FASTKD1: variants seen among roughly 807,000 people sequenced by gnomAD.
FASTKD1 encodes FAST kinase domain-containing protein 1, mitochondrial.
FASTKD1 carries 94 observed loss-of-function variants against 90.9 expected under a neutral mutation model. The ratio of observed to expected loss-of-function variants is 1.03; its 90% CI spans 0.88 to 1.23. FASTKD1 has a LOEUF of 1.23. FASTKD1 is among the 50% of genes most tolerant of loss of function. The pLI, the probability that FASTKD1 is intolerant of heterozygous loss-of-function variation, is 0.00. For synonymous variants in FASTKD1, 319 were observed against 345.8 expected, an observed-to-expected ratio of 0.92 and a Z score of 0.86; for missense variants, 945 against 993.5, an observed-to-expected ratio of 0.95 and a Z score of 0.66.
chr2:169,531,089 G>A (rs758149214), intron 13 of FASTKD1: 21 of 706,466 alleles, frequency 3.0e-5, no homozygotes, highest in East Asian at 2.8e-4. Context: ...AGAGAGGTAT[G>A]GGAGCGCAAA....
chr2:169,530,523 G>T, intron 14 of FASTKD1, 64 bp downstream of exon 14: 1 of 842,434 alleles, frequency 1.2e-6, no homozygotes, highest in Admixed American at 2.6e-5. Context: ...ACATTAAAAG[G>T]AAGCACATGT....
chr2:169,564,381 T>C (rs559405617), intron 3 of FASTKD1, among the ~76,000 whole-genome samples: 1 of 152,180 alleles, frequency 6.6e-6, no homozygotes, highest in East Asian at 1.9e-4. Flanking sequence ...AACTTGAACA[T>C]CTAGGCTCAA....
intron 12 of FASTKD1, among the ~76,000 whole-genome samples, chr2:169,532,256 C>A (rs1484903584): frequency 6.6e-6 from 1 of 151,904 alleles, no homozygotes; most frequent in Admixed American, 6.6e-5. Context: ...CCAATCTCTA[C>A]AAAAAACTTA....
rs548510888 is a variant in FASTKD1, at chr2:169,564,329, T to C, written c.447-979A>G. ...GAAAATTTAAATTTATCAATTTTAT[T>C]ATGTTTTTAAGACACAGTGTCTCAC... is the stretch of plus-strand genomic sequence containing the variant. On this transcript the variant is annotated intron_variant, in intron 3 of 14. Transcript: ENST00000453153. Among the ~76,000 whole-genome samples the C allele has an allele frequency of 3.1e-3, 478 of 152,258 alleles. 2 individuals carry two copies. The highest frequency in any genetic ancestry group is 4.3e-3 in the Non-Finnish European group (291 of 68,014).
intron 5 of FASTKD1, among the ~76,000 whole-genome samples, chr2:169,559,033 G>A (rs905119705): frequency 6.0e-5 from 9 of 149,386 alleles, no homozygotes; most frequent in African/African-American, 2.2e-4. Context: ...GGAGTGTAAT[G>A]GCGCGATCTT....
At chr2:169,548,550 A>T (rs1016757015) in intron 7 of FASTKD1, among the ~76,000 whole-genome samples, 1 of 151,496 alleles carries the variant, frequency 6.6e-6, no homozygotes, top group Admixed American at 6.6e-5. Context: ...GGCCAACATA[A>T]TGAAACCCCA....
intron 5 of FASTKD1, among the ~76,000 whole-genome samples, chr2:169,559,631 T>C (rs901908517): frequency 8.5e-5 from 13 of 152,112 alleles, no homozygotes; most frequent in Non-Finnish European, 1.6e-4. Context: ...TTGCCTAGGC[T>C]GGTCTCAAAT....
intron 2 of FASTKD1, chr2:169,570,923 A>C (rs1485935519): frequency 6.6e-6 from 1 of 152,000 alleles, no homozygotes; most frequent in Non-Finnish European, 1.5e-5. Context: ...TGATCCACCC[A>C]CCTCAGCCTC....
At chr2:169,539,208 G>A (rs1684860109) in intron 10 of FASTKD1, among the ~76,000 whole-genome samples, 1 of 151,710 alleles carries the variant, frequency 6.6e-6, no homozygotes, top group African/African-American at 2.4e-5. Context: ...GAAGGTGGAG[G>A]TTGCAGTGAG....
chr2:169,562,255 CAG>C (rs1455298497), intron 4 of FASTKD1, among the ~76,000 whole-genome samples: 3 of 150,126 alleles, frequency 2.0e-5, no homozygotes, highest in Admixed American at 6.7e-5. Flanking sequence ...TGTTTTGAGA[CAG>C]AGTCTTGCTC....
chr2:169,534,075 G>A (rs866785974), intron 12 of FASTKD1, among the ~76,000 whole-genome samples: 14 of 150,940 alleles, frequency 9.3e-5, no homozygotes, highest in African/African-American at 3.4e-4. Context: ...GGAGGCTGAG[G>A]TGGGAGAATC....
chr2:169,556,495 G>A (rs1217035515), intron 6 of FASTKD1, among the ~76,000 whole-genome samples: 4 of 150,378 alleles, frequency 2.7e-5, no homozygotes, highest in African/African-American at 4.9e-5. Context: ...TTGGGATGCC[G>A]AAGTGAACGG....
chr2:169,548,036 G>GA (rs532687446), intron 7 of FASTKD1, among the ~76,000 whole-genome samples: 97 of 120,840 alleles, frequency 8.0e-4, no homozygotes, highest in African/African-American at 2.5e-3. Flanking sequence ...GAAAAGAAAA[G>GA]AAAAAAAAAT....
At chr2:169,557,954 C>A (rs1211654487) in intron 5 of FASTKD1, among the ~76,000 whole-genome samples, 1 of 152,172 alleles carries the variant, frequency 6.6e-6, no homozygotes, top group Non-Finnish European at 1.5e-5. Context: ...CCATGCCATC[C>A]TTTCCACCAA....
rs936100495 is a variant in FASTKD1 at position 169,571,542 on chromosome 2, C to G, written c.377+111G>C. 4.9e-5 allele frequency: 38 copies of G among 771,700 alleles called. No homozygotes were observed. In the East Asian group the frequency reaches 6.5e-4, roughly 13 times the overall value. 47.8% of individuals were successfully genotyped at this position (771,700 alleles called of 1,614,324 possible). ...TCATGCCACTGCACTCCAGCCTGGG[C>G]GACAGAGACTCCTCAAAAATAAATA... On this transcript the variant is annotated intron_variant, in intron 2 of 14. Transcript: ENST00000453153.
intron 3 of FASTKD1, 42 bp from the exon 4 acceptor site, chr2:169,563,392 T>C (rs1458775948): frequency 1.4e-6 from 2 of 1,418,692 alleles, no homozygotes; most frequent in Non-Finnish European, 9.7e-7. Flanking sequence ...AGTATTTACT[T>C]TCACTTAAAA....
At chr2:169,565,323 C>A (rs184559178) in intron 3 of FASTKD1, among the ~76,000 whole-genome samples, 9 of 122,904 alleles carry the variant, frequency 7.3e-5, no homozygotes, top group Non-Finnish European at 1.4e-4. Context: ...AGTGCAGTGG[C>A]GCGATCTCGG....
chr2:169,558,450 T>C (rs962742170), intron 5 of FASTKD1, among the ~76,000 whole-genome samples: 1 of 151,340 alleles, frequency 6.6e-6, no homozygotes, highest in African/African-American at 2.4e-5. Flanking sequence ...TTTTTTGTAT[T>C]TTTTTGTTTG....
chr2:169,558,979 T>C (rs1683458333), intron 5 of FASTKD1, among the ~76,000 whole-genome samples: 1 of 150,692 alleles, frequency 6.6e-6, no homozygotes, highest in Non-Finnish European at 1.5e-5. Context: ...CAAAGTACTT[T>C]TTTTTTTTTT....
Sources: gnomAD v4.1 joint callset for allele counts (sites outside exome capture counted in the v4.1 genomes callset) on GRCh38, gnomAD v4.1.1 for gene constraint, MANE v1.5 for transcripts, NCBI Gene and HGNC (gene_info 2026-07-23, HGNC 2026-07-21) for gene names.